Variants in VOPP1 observed in about 807,000 individuals in gnomAD.
The protein encoded by VOPP1 is VOPP1 WW domain binding protein, also known as WW domain binding protein VOPP1.
VOPP1 carries 8 observed loss-of-function variants against 23.5 expected under a neutral mutation model. The ratio of observed to expected loss-of-function variants is 0.34; its 90% CI spans 0.20 to 0.61. VOPP1 has a LOEUF of 0.61. Among genes scored for constraint, VOPP1 ranks in the 20% least tolerant of loss-of-function variants. VOPP1 has a pLI of 0.78. For synonymous variants in VOPP1, 83 were observed against 97.3 expected (o/e 0.85, Z 0.86); for missense variants, 174 against 238.1 (o/e 0.73, Z 1.77).
At chr7:55,534,888 C>T (rs1374657842) in intron 1 of VOPP1, among the ~76,000 whole-genome samples, 1 of 152,248 alleles carries the variant, frequency 6.6e-6, no homozygotes, top group African/African-American at 2.4e-5. Flanking sequence ...CCACTCCATC[C>T]ACGTGGTCAA....
downstream of VOPP1, among the ~76,000 whole-genome samples, chr7:55,468,098 T>A (rs1791677510): frequency 6.6e-6 from 1 of 151,542 alleles, no homozygotes; most frequent in Admixed American, 6.6e-5. Context: ...GTAGTGAAAC[T>A]CATCTCTACT....
At chr7:55,533,527 T>G (rs1413904259) in intron 1 of VOPP1, among the ~76,000 whole-genome samples, 1 of 152,222 alleles carries the variant, frequency 6.6e-6, no homozygotes, top group Non-Finnish European at 1.5e-5. Flanking sequence ...CATCTGCTTT[T>G]AACCACGAAA....
chr7:55,568,366 C>T (rs1367748793), intron 1 of VOPP1, among the ~76,000 whole-genome samples: 3 of 152,230 alleles, frequency 2.0e-5, no homozygotes, highest in African/African-American at 4.8e-5. Context: ...TGAGCCACCG[C>T]ACCCAGCCTG....
chr7:55,528,952 A>C (rs1383216380), intron 1 of VOPP1, among the ~76,000 whole-genome samples: 1 of 152,238 alleles, frequency 6.6e-6, no homozygotes, highest in Non-Finnish European at 1.5e-5. Flanking sequence ...TCATAGGAGA[A>C]AGAATGTAAC....
intron 4 of VOPP1, among the ~76,000 whole-genome samples, chr7:55,442,222 G>A (rs947073815): frequency 9.2e-5 from 14 of 152,216 alleles, no homozygotes; most frequent in Admixed American, 3.3e-4. Context: ...AGAGAGTTGC[G>A]GGGCAGAGGT....
At chr7:55,482,310 G>GCTA (rs944368986) in intron 4 of VOPP1, among the ~76,000 whole-genome samples, 41 of 151,114 alleles carry the variant, frequency 2.7e-4, no homozygotes, top group African/African-American at 9.7e-4. Flanking sequence ...AGAACCTCCT[G>GCTA]CTACTGCCTT....
chr7:55,540,215 C>G (rs1452415332), intron 1 of VOPP1, among the ~76,000 whole-genome samples: 3 of 151,954 alleles, frequency 2.0e-5, no homozygotes, highest in Non-Finnish European at 2.9e-5. Flanking sequence ...CTGGCCAACA[C>G]AGTGAAACCC....
rs547011963 is a variant in VOPP1 at position 55,471,509 on chromosome 7, G to A, written c.*1346C>T. ...AATAAGCACCCCCACCTCATTCCCC[G>A]TGATACAGCACATCTAGTAATCTAG... On this transcript the variant is annotated 3_prime_UTR_variant, in exon 5 of 5. Transcript: ENST00000285279. 5.3e-5 allele frequency: 8 copies of A among 151,892 alleles called. No individual in the cohort carries two copies. Among genetic ancestry groups the A allele is most frequent in the Non-Finnish European group, 1.2e-4 (8 of 67,936 alleles). 9.4% of individuals were successfully genotyped at this position (151,892 alleles called of 1,614,324 possible).
At chr7:55,468,444 C>A (rs1159966373), downstream of VOPP1, among the ~76,000 whole-genome samples, 4 of 152,110 alleles carry the variant, frequency 2.6e-5, no homozygotes, top group Non-Finnish European at 2.9e-5. Flanking sequence ...TGCAGAGGCA[C>A]CAAGGAGCTT....
In VOPP1 at chr7:55,495,987, G is replaced by A. The variant is rs1793923767; in HGVS notation, c.191+1626C>T. Among the ~76,000 whole-genome samples, 5 of 152,200 alleles carry A rather than the reference G, an allele frequency of 3.3e-5. No homozygotes were observed. In the South Asian group the frequency reaches 1.0e-3, roughly 31 times the overall value. ...AGTCGTCGTGTGCTGCCTCGCCAAG[G>A]TGTCCTGCCTCTGACAGGTGACCCT... On this transcript the variant is annotated intron_variant, in intron 3 of 4. Coordinates refer to ENST00000285279, the MANE Select transcript of VOPP1 (RefSeq NM_030796.5).
At chr7:55,495,737 G>A (rs1793904429) in intron 3 of VOPP1, among the ~76,000 whole-genome samples, 1 of 152,234 alleles carries the variant, frequency 6.6e-6, no homozygotes, top group South Asian at 2.1e-4. Context: ...TTGATTGAGA[G>A]AGAAAATGCA....
At chr7:55,542,206 C>A (rs1293406848) in intron 1 of VOPP1, among the ~76,000 whole-genome samples, 1 of 152,138 alleles carries the variant, frequency 6.6e-6, no homozygotes, top group Non-Finnish European at 1.5e-5. Context: ...GTGTAATGAT[C>A]AAATCAGAGT....
intron 2 of VOPP1, among the ~76,000 whole-genome samples, chr7:55,499,357 TAGA>T (rs1794203425): frequency 6.6e-6 from 1 of 152,144 alleles, no homozygotes; most frequent in African/African-American, 2.4e-5. Flanking sequence ...GGAACTGAGG[TAGA>T]AGAACTGCTT....
At chr7:55,564,423 T>C (rs1334029692) in intron 1 of VOPP1, among the ~76,000 whole-genome samples, 2 of 152,110 alleles carry the variant, frequency 1.3e-5, no homozygotes, top group African/African-American at 4.8e-5. Context: ...CTAAAGAGTT[T>C]CACTCATCTT....
At chr7:55,514,547 GC>G (rs1340579519) in intron 2 of VOPP1, among the ~76,000 whole-genome samples, 1 of 152,218 alleles carries the variant, frequency 6.6e-6, no homozygotes, top group Non-Finnish European at 1.5e-5. Context: ...TATACTGAGT[GC>G]CTTCTATGGG....
At chr7:55,543,496 A>C (rs1797229805) in intron 1 of VOPP1, among the ~76,000 whole-genome samples, 1 of 152,266 alleles carries the variant, frequency 6.6e-6, no homozygotes, top group East Asian at 1.9e-4. Context: ...GAGCCTCCAT[A>C]CTGCTCTCCA....
At chr7:55,522,199 C>A (rs1482195968) in intron 1 of VOPP1, among the ~76,000 whole-genome samples, 1 of 152,214 alleles carries the variant, frequency 6.6e-6, no homozygotes, top group African/African-American at 2.4e-5. Context: ...GATTGCCCTG[C>A]AGCTGGAATG....
intron 4 of VOPP1, among the ~76,000 whole-genome samples, chr7:55,454,493 CA>C (rs1188790258): frequency 2.6e-5 from 4 of 151,976 alleles, no homozygotes; most frequent in African/African-American, 9.7e-5. Flanking sequence ...AGAGACACAA[CA>C]AAAAAAGAAA....
chr7:55,450,557 G>A (rs1291000008), intron 4 of VOPP1, among the ~76,000 whole-genome samples: 2 of 152,186 alleles, frequency 1.3e-5, no homozygotes, highest in Non-Finnish European at 2.9e-5. Context: ...ATCATTACAT[G>A]TTGAAATAAT....
Sources: gnomAD v4.1 joint callset for allele counts (sites outside exome capture counted in the v4.1 genomes callset) on GRCh38, gnomAD v4.1.1 for gene constraint, MANE v1.5 for transcripts, NCBI Gene and HGNC (gene_info 2026-07-23, HGNC 2026-07-21) for gene names.